Variants in CNTN1 observed in about 807,000 individuals in gnomAD.
CNTN1 encodes the protein contactin 1, also known as contactin-1.
Under a neutral mutation model 126.4 loss-of-function variants are expected in CNTN1, and 38 were observed. The ratio of observed to expected loss-of-function variants is 0.30; its 90% CI spans 0.23 to 0.39. CNTN1 has a LOEUF of 0.39. Ranked by LOEUF, CNTN1 falls within the 10% of genes least tolerant of loss-of-function variation. CNTN1 has a pLI of 1.00. For missense variants in CNTN1, 1,009 were observed against 1,248.4 expected, an observed-to-expected ratio of 0.81 and a Z score of 2.89; for synonymous variants, 413 against 422.6, an observed-to-expected ratio of 0.98 and a Z score of 0.28.
At chr12:41,037,678 AC>A (rs1949296962) in intron 23 of CNTN1, among the ~76,000 whole-genome samples, 1 of 151,668 alleles carries the variant, frequency 6.6e-6, no homozygotes, top group Non-Finnish European at 1.5e-5. Context: ...ACACACACAC[AC>A]ACACACACAC....
At chr12:41,052,225 A>G (rs749972381) in intron 23 of CNTN1, among the ~76,000 whole-genome samples, 4 of 152,222 alleles carry the variant, frequency 2.6e-5, no homozygotes, top group Non-Finnish European at 5.9e-5. Flanking sequence ...CCAGAAGTAG[A>G]TAAGCTCTTC....
chr12:41,018,569 G>T (rs1463444663), intron 19 of CNTN1, among the ~76,000 whole-genome samples: 1 of 150,748 alleles, frequency 6.6e-6, no homozygotes, highest in Non-Finnish European at 1.5e-5. Context: ...TAATATAAAA[G>T]GCAGTTATTC....
At chr12:40,739,992 A>T (rs1392883785) in intron 1 of CNTN1, among the ~76,000 whole-genome samples, 1 of 152,070 alleles carries the variant, frequency 6.6e-6, no homozygotes, top group Non-Finnish European at 1.5e-5. Flanking sequence ...TTCCTCTGTT[A>T]GTCCATACAT....
intron 1 of CNTN1, among the ~76,000 whole-genome samples, chr12:40,855,602 T>C (rs1317682808): frequency 6.6e-6 from 1 of 152,114 alleles, no homozygotes; most frequent in Admixed American, 6.6e-5. Flanking sequence ...GTGTTAATTA[T>C]TTTTCTAGAA....
intron 1 of CNTN1, among the ~76,000 whole-genome samples, chr12:40,707,227 CTTT>C (rs370984371): frequency 3.7e-5 from 4 of 109,162 alleles, no homozygotes; most frequent in African/African-American, 1.2e-4. Context: ...TTTTCTTTTT[CTTT>C]TTTTTTTTTT....
chr12:40,779,983 A>C (rs1939728776), intron 1 of CNTN1, among the ~76,000 whole-genome samples: 1 of 151,906 alleles, frequency 6.6e-6, no homozygotes, highest in African/African-American at 2.4e-5. Context: ...AAATTGAAAG[A>C]GTTTGAGCTT....
intron 17 of CNTN1, among the ~76,000 whole-genome samples, chr12:40,995,170 A>C (rs913970230): frequency 3.3e-5 from 5 of 152,116 alleles, no homozygotes; most frequent in Non-Finnish European, 4.4e-5. Flanking sequence ...ATTACATGAA[A>C]CTTTAAGAGA....
chr12:40,809,625 T>C (rs890626969), intron 1 of CNTN1, among the ~76,000 whole-genome samples: 3 of 152,062 alleles, frequency 2.0e-5, no homozygotes, highest in Admixed American at 6.5e-5. Flanking sequence ...GAGTTCAAGA[T>C]CAGCCTGACC....
At chr12:40,756,758 G>A (rs1938626290) in intron 1 of CNTN1, among the ~76,000 whole-genome samples, 1 of 152,078 alleles carries the variant, frequency 6.6e-6, no homozygotes, top group African/African-American at 2.4e-5. Context: ...ATTTGAAGTA[G>A]TCCCTCAAGT....
At chr12:40,746,520 G>A (rs913716934) in intron 1 of CNTN1, among the ~76,000 whole-genome samples, 1 of 152,074 alleles carries the variant, frequency 6.6e-6, no homozygotes, top group Non-Finnish European at 1.5e-5. Flanking sequence ...AGGAACAAAA[G>A]GAAGGAAAGT....
chr12:40,900,593 T>C (rs1216376343), intron 1 of CNTN1, among the ~76,000 whole-genome samples: 1 of 152,134 alleles, frequency 6.6e-6, no homozygotes, highest in Admixed American at 6.5e-5. Context: ...TAATGGAAAA[T>C]GGAGATAGTA....
At chr12:40,972,617 C>A in intron 15 of CNTN1, 1 of 880,556 alleles carries the variant, frequency 1.1e-6, no homozygotes, top group Non-Finnish European at 1.4e-6. Flanking sequence ...ATAAATGTCT[C>A]TGGCTCAAGA....
At chr12:40,901,123 C>T (rs1174924775) in intron 1 of CNTN1, among the ~76,000 whole-genome samples, 2 of 152,312 alleles carry the variant, frequency 1.3e-5, no homozygotes, top group East Asian at 3.9e-4. Flanking sequence ...TCTCACATTT[C>T]TAGAGCTGTA....
At chr12:40,781,672 A>G in intron 1 of CNTN1, among the ~76,000 whole-genome samples, 1 of 152,166 alleles carries the variant, frequency 6.6e-6, no homozygotes, top group South Asian at 2.1e-4. Flanking sequence ...TGAGTCACCA[A>G]GGTGAAGAAC....
intron 1 of CNTN1, among the ~76,000 whole-genome samples, chr12:40,893,342 A>T (rs1047207876): frequency 6.6e-6 from 1 of 152,104 alleles, no homozygotes; most frequent in Admixed American, 6.5e-5. Context: ...TTAAATTGCT[A>T]TAACAAACTT....
At chr12:41,059,272 C>A (rs911195207) in intron 23 of CNTN1, among the ~76,000 whole-genome samples, 4 of 152,114 alleles carry the variant, frequency 2.6e-5, no homozygotes, top group Non-Finnish European at 4.4e-5. Flanking sequence ...AGCCTCAAAG[C>A]CAAAGATGAC....
At chr12:40,757,097 G>A (rs775943234) in intron 1 of CNTN1, among the ~76,000 whole-genome samples, 4 of 152,022 alleles carry the variant, frequency 2.6e-5, no homozygotes, top group South Asian at 2.1e-4. Context: ...ATTTGCAAAC[G>A]TCAGCCTTCT....
At chr12:40,848,805 C>T (rs1942609532) in intron 1 of CNTN1, among the ~76,000 whole-genome samples, 1 of 141,490 alleles carries the variant, frequency 7.1e-6, no homozygotes, top group Non-Finnish European at 1.5e-5. Flanking sequence ...ATAGTTCAGA[C>T]ACTCTAGGGC....
intron 19 of CNTN1, 77 bp downstream of exon 19, chr12:41,016,993 T>TGAA (rs1948795969): frequency 4.1e-6 from 5 of 1,230,528 alleles, no homozygotes; most frequent in Middle Eastern, 1.9e-4. Context: ...GTTTGTTTCC[T>TGAA]TTCAGGCCTT....
Sources: gnomAD v4.1 joint callset for allele counts (sites outside exome capture counted in the v4.1 genomes callset) on GRCh38, gnomAD v4.1.1 for gene constraint, MANE v1.5 for transcripts, NCBI Gene and HGNC (gene_info 2026-07-23, HGNC 2026-07-21) for gene names.